The following RORA variants were observed in gnomAD, a reference collection of about 807,000 sequenced individuals.
The protein encoded by RORA is RAR related orphan receptor A.
Under a neutral mutation model 69.5 loss-of-function variants are expected in RORA, and 7 were observed. The observed-to-expected ratio is 0.10, with a 90% CI of 0.06 to 0.19. The LOEUF is 0.19. Among genes scored for constraint, RORA ranks in the 10% least tolerant of loss-of-function variants. The pLI is 1.00. For synonymous variants in RORA, 261 were observed against 240.8 expected, an observed-to-expected ratio of 1.08 and a Z score of -0.78; for missense variants, 457 against 663.0, an observed-to-expected ratio of 0.69 and a Z score of 3.41.
At chr15:61,099,845 T>G (rs544254159) in intron 1 of RORA, among the ~76,000 whole-genome samples, 1 of 152,332 alleles carries the variant, frequency 6.6e-6, no homozygotes, top group East Asian at 1.9e-4. Context: ...CTTCTACCCT[T>G]AGGTGAATGA....
rs2065036925 is a variant in RORA, at chr15:60,491,328, A to T, written c.*6127T>A. The T allele has an allele frequency of 1.3e-5, 2 of 152,196 alleles. No homozygotes were observed. Among genetic ancestry groups the T allele is most frequent in the Admixed American group, 1.3e-4 (2 of 15,276 alleles). 9.4% of individuals were successfully genotyped at this position (152,196 alleles called of 1,614,324 possible). Reference sequence around the variant, plus strand: ...CATAATGGCATGTGCAACATGTCAAAGCTAATAGCAAGCTATCTTTCATTA... The same window carrying T: ...CATAATGGCATGTGCAACATGTCAATGCTAATAGCAAGCTATCTTTCATTA... On this transcript the variant is annotated 3_prime_UTR_variant, in exon 11 of 11. Coordinates refer to ENST00000335670, the MANE Select transcript of RORA (RefSeq NM_134261.3).
chr15:60,929,911 G>T (rs28498795), intron 1 of RORA, among the ~76,000 whole-genome samples: 74 of 152,160 alleles, frequency 4.9e-4, no homozygotes, highest in African/African-American at 1.8e-3. Context: ...GCCTTCAGAC[G>T]CATATGGTTT....
chr15:61,137,924 A>G (rs2079260645), intron 1 of RORA, among the ~76,000 whole-genome samples: 3 of 152,236 alleles, frequency 2.0e-5, no homozygotes, highest in Non-Finnish European at 4.4e-5. Flanking sequence ...AGAGAAACAT[A>G]TAAATTGGAA....
intron 1 of RORA, among the ~76,000 whole-genome samples, chr15:61,127,516 C>A (rs1469946267): frequency 6.6e-6 from 1 of 152,162 alleles, no homozygotes; most frequent in Non-Finnish European, 1.5e-5. Flanking sequence ...ATCTCCAAAG[C>A]AATGGGCAGT....
intron 1 of RORA, among the ~76,000 whole-genome samples, chr15:60,942,697 T>A (rs1161790986): frequency 6.6e-6 from 1 of 152,256 alleles, no homozygotes; most frequent in Non-Finnish European, 1.5e-5. Context: ...ATGTTTTCTC[T>A]TTATCCTTGA....
chr15:60,610,551 C>T (rs2069062184), intron 2 of RORA, among the ~76,000 whole-genome samples: 1 of 152,058 alleles, frequency 6.6e-6, no homozygotes, highest in South Asian at 2.1e-4. Flanking sequence ...AAATGCGGGA[C>T]TGATCGACAA....
In RORA at chr15:60,876,319, G is replaced by C. The variant is rs991379597; in HGVS notation, c.167-197633C>G. On this transcript the variant is annotated intron_variant, in intron 1 of 10. Transcript: ENST00000335670. ...TGGGCTCTTACAGGAAGTGGGGGGG[G>C]GGGGGGGCGGCTAGGAGACCACCAC... Among the ~76,000 whole-genome samples the C allele has an allele frequency of 3.0e-4, 45 of 149,936 alleles. 1 individual carries two copies. Among genetic ancestry groups the C allele is most frequent in the Middle Eastern group, 6.9e-3 (2 of 290 alleles).
intron 3 of RORA, among the ~76,000 whole-genome samples, chr15:60,523,085 G>T (rs1237148659): frequency 6.8e-6 from 1 of 147,114 alleles, no homozygotes; most frequent in South Asian, 2.3e-4. Context: ...TAATAATGCA[G>T]ATTAAACTTA....
At chr15:60,633,700 T>C (rs2069782952) in intron 2 of RORA, among the ~76,000 whole-genome samples, 1 of 152,230 alleles carries the variant, frequency 6.6e-6, no homozygotes, top group Non-Finnish European at 1.5e-5. Flanking sequence ...TCAGATTTTC[T>C]ATCCCTCTTC....
At chr15:60,527,258 T>C (rs1295251362) in intron 3 of RORA, among the ~76,000 whole-genome samples, 1 of 152,256 alleles carries the variant, frequency 6.6e-6, no homozygotes, top group Non-Finnish European at 1.5e-5. Flanking sequence ...TATGTGTGTC[T>C]TGAGATCAAA....
intron 1 of RORA, among the ~76,000 whole-genome samples, chr15:60,857,449 C>T (rs145185197): frequency 1.3e-5 from 2 of 152,260 alleles, no homozygotes; most frequent in African/African-American, 4.8e-5. Flanking sequence ...CCCATCCACA[C>T]AACACAACAT....
At chr15:60,933,552 C>T (rs145028952) in intron 1 of RORA, among the ~76,000 whole-genome samples, 1,543 of 152,232 alleles carry the variant, frequency 0.01, 72 homozygotes, top group Admixed American at 0.078. Flanking sequence ...TGACATAGAA[C>T]GCATTATTCT....
In RORA at chr15:60,497,474, G is replaced by A. The variant is rs1245278582; in HGVS notation, c.1553C>T (p.Ala518Val). ...KELFTSEFEP[A>V]MQIDG ...TAACATTTACCCATCAATTTGCATTGCTGGCTCAAATTCTGAAGTGAACAA... is the reference window on the plus strand; with the variant it reads ...TAACATTTACCCATCAATTTGCATTACTGGCTCAAATTCTGAAGTGAACAA... The change falls in exon 11 of 11, where the codon GCA (alanine) becomes GTA (valine). Residue 518 changes from alanine to valine, a missense_variant. This residue lies in a region of RORA where 304 missense variants were observed against 447.4 expected (regional missense o/e 0.68). Coordinates refer to ENST00000335670, the MANE Select transcript of RORA (RefSeq NM_134261.3). 3.1e-6 allele frequency: 5 copies of A among 1,613,840 alleles called. No homozygotes were observed. The highest frequency in any genetic ancestry group is 2.2e-5 in the East Asian group (1 of 44,884).
At chr15:61,227,053 G>A (rs1369497341) in intron 1 of RORA, among the ~76,000 whole-genome samples, 1 of 152,068 alleles carries the variant, frequency 6.6e-6, no homozygotes, top group Non-Finnish European at 1.5e-5. Flanking sequence ...AGTCGGCTCT[G>A]CAGCCTGCCA....
chr15:61,151,014 C>T (rs1355484215), intron 1 of RORA, among the ~76,000 whole-genome samples: 1 of 152,200 alleles, frequency 6.6e-6, no homozygotes, highest in Non-Finnish European at 1.5e-5. Context: ...TCATGGATTA[C>T]CTGACGCAAG....
At chr15:60,739,731 C>A (rs1387553602) in intron 1 of RORA, among the ~76,000 whole-genome samples, 1 of 152,112 alleles carries the variant, frequency 6.6e-6, no homozygotes, top group Non-Finnish European at 1.5e-5. Context: ...TAGGAGCAAA[C>A]CTTCCTCCAC....
intron 1 of RORA, among the ~76,000 whole-genome samples, chr15:60,798,997 C>T (rs1324299486): frequency 6.6e-6 from 1 of 150,696 alleles, no homozygotes; most frequent in Non-Finnish European, 1.5e-5. Flanking sequence ...TATTCATGCT[C>T]ACAATGAGAA....
rs199907644 is a variant in RORA, at chr15:60,555,745, A to AT, written c.197-23895dup. Reference sequence around the variant, plus strand: ...CTGAAACGGAAAAAAAACTGCTTGAATTTTTTTTTCCTTTTTTCTTACTAC... The same window carrying AT: ...CTGAAACGGAAAAAAAACTGCTTGAATTTTTTTTTTCCTTTTTTCTTACTAC... On this transcript the variant is annotated intron_variant, in intron 2 of 10. Coordinates refer to ENST00000335670, the MANE Select transcript of RORA (RefSeq NM_134261.3). Among the ~76,000 whole-genome samples the AT allele has an allele frequency of 7.9e-5, 12 of 151,580 alleles. No homozygotes were observed. In the East Asian group the frequency reaches 1.2e-3, roughly 15 times the overall value.
At chr15:61,120,474 C>T (rs899529215) in intron 1 of RORA, among the ~76,000 whole-genome samples, 7 of 151,960 alleles carry the variant, frequency 4.6e-5, no homozygotes, top group East Asian at 2.0e-4. Context: ...CCGAGGCGGG[C>T]GGATCACAAC....
Sources: gnomAD v4.1 joint callset for allele counts (sites outside exome capture counted in the v4.1 genomes callset) on GRCh38, gnomAD v4.1.1 for gene constraint, gnomAD v4.1.1 regional missense constraint, MANE v1.5 for transcripts, NCBI Gene and HGNC (gene_info 2026-07-23, HGNC 2026-07-21) for gene names.